The following DCC variants were observed in gnomAD, a reference collection of about 807,000 sequenced individuals.
The protein encoded by DCC is netrin receptor DCC.
A neutral mutation model predicts 172.5 loss-of-function variants in DCC; 58 were observed. The observed-to-expected ratio is 0.34, with a 90% CI of 0.27 to 0.42. The LOEUF (loss-of-function observed/expected upper bound fraction) is 0.42. Ranked by LOEUF, DCC falls within the 10% of genes least tolerant of loss-of-function variation. The pLI, the probability that DCC is intolerant of heterozygous loss-of-function variation, is 1.00. For missense variants in DCC, 1,740 were observed against 1,791.0 expected (o/e 0.97, Z 0.51); for synonymous variants, 709 against 644.5 (o/e 1.10, Z -1.52).
intron 15 of DCC, among the ~76,000 whole-genome samples, chr18:53,346,610 C>T (rs375530517): frequency 2.0e-5 from 3 of 152,144 alleles, no homozygotes; most frequent in East Asian, 3.9e-4. Flanking sequence ...AAACATTGTC[C>T]TCTTTTTAAT....
intron 5 of DCC, among the ~76,000 whole-genome samples, chr18:52,931,295 T>C (rs2040303568): frequency 6.6e-6 from 1 of 152,162 alleles, no homozygotes; most frequent in Non-Finnish European, 1.5e-5. Context: ...AAAAGAACTT[T>C]ATTATCAATG....
At chr18:53,491,231 G>T (rs2045956164) in intron 26 of DCC, among the ~76,000 whole-genome samples, 1 of 152,090 alleles carries the variant, frequency 6.6e-6, no homozygotes, top group African/African-American at 2.4e-5. Context: ...TAAAGAGTAG[G>T]ATTAGGAAAA....
In DCC at chr18:52,733,083, G is replaced by T. The variant is rs528901544; in HGVS notation, c.92-18971G>T. The stretch of plus-strand genomic sequence containing the variant: ...GATGTCAGCATTGGCTGGGAAGGTT[G>T]TCTGAACACATTTATCCATGTCAAA... On this transcript the variant is annotated intron_variant, in intron 1 of 28. Transcript: ENST00000442544. Among the ~76,000 whole-genome samples the T allele has an allele frequency of 1.7e-3, 266 of 152,236 alleles. 1 individual carries two copies. Among genetic ancestry groups the T allele is most frequent in the African/African-American group, 6.0e-3 (251 of 41,554 alleles).
intron 5 of DCC, among the ~76,000 whole-genome samples, chr18:53,043,287 G>A (rs568903146): frequency 5.9e-5 from 9 of 151,532 alleles, no homozygotes; most frequent in Non-Finnish European, 1.2e-4. Flanking sequence ...CACAGGGAGG[G>A]GAATATCACA....
At chr18:53,351,380 T>TATAC (rs1555656842) in intron 15 of DCC, among the ~76,000 whole-genome samples, 2 of 62,676 alleles carry the variant, frequency 3.2e-5, no homozygotes, top group African/African-American at 6.9e-5. Flanking sequence ...TATATATATA[T>TATAC]ACAGTATATA....
chr18:52,952,280 A>C (rs1032487421), intron 5 of DCC, among the ~76,000 whole-genome samples: 12 of 152,222 alleles, frequency 7.9e-5, no homozygotes, highest in Middle Eastern at 3.2e-3. Context: ...CACTAAAAAT[A>C]ACTTCAAACA....
At chr18:53,280,340 TG>T (rs2056856665) in intron 12 of DCC, among the ~76,000 whole-genome samples, 1 of 152,172 alleles carries the variant, frequency 6.6e-6, no homozygotes, top group Non-Finnish European at 1.5e-5. Flanking sequence ...CAGAGACATT[TG>T]TAGGTTTTAT....
chr18:52,579,475 C>T (rs149488667), intron 1 of DCC, among the ~76,000 whole-genome samples: 1 of 152,214 alleles, frequency 6.6e-6, no homozygotes, highest in East Asian at 1.9e-4. Context: ...TGAAATTCTT[C>T]CTCCTAGAAT....
intron 2 of DCC, among the ~76,000 whole-genome samples, chr18:52,900,931 C>T (rs746647422): frequency 3.9e-5 from 6 of 152,170 alleles, no homozygotes; most frequent in Non-Finnish European, 7.3e-5. Context: ...TTAAGTACTT[C>T]AGGCTGAAAT....
Position 53,225,558 on chromosome 18 carries a change from A to C in DCC, c.1911+9961A>C, listed in dbSNP as rs558396524. Among the ~76,000 whole-genome samples the C allele has an allele frequency of 2.0e-5, 3 of 152,244 alleles. No homozygotes were observed. The East Asian group carries it at 5.8e-4, about 30-fold the overall frequency. On this transcript the variant is annotated intron_variant, in intron 12 of 28. Coordinates refer to ENST00000442544, the MANE Select transcript of DCC (RefSeq NM_005215.4). ...GAACAGGTCTGGATGCTGATATATT[A>C]GTCAATTTGAGCTGCAGAGACGATA...
chr18:53,294,804 T>C (rs553666248), intron 12 of DCC, among the ~76,000 whole-genome samples: 1 of 152,262 alleles, frequency 6.6e-6, no homozygotes, highest in Admixed American at 6.5e-5. Flanking sequence ...GGGAAAGGAT[T>C]CTCCCAGAGT....
At chr18:53,285,453 G>A (rs945246179) in intron 12 of DCC, among the ~76,000 whole-genome samples, 1 of 152,208 alleles carries the variant, frequency 6.6e-6, no homozygotes, top group Non-Finnish European at 1.5e-5. Flanking sequence ...TTTTAAGCCT[G>A]CAGGTACACA....
At chr18:52,945,927 G>T (rs911530215) in intron 5 of DCC, among the ~76,000 whole-genome samples, 4 of 152,158 alleles carry the variant, frequency 2.6e-5, no homozygotes, top group African/African-American at 4.8e-5. Context: ...TAGAAGACAT[G>T]GCAACCTGGA....
intron 8 of DCC, among the ~76,000 whole-genome samples, chr18:53,170,645 A>G (rs1286035926): frequency 6.6e-6 from 1 of 152,250 alleles, no homozygotes; most frequent in Admixed American, 6.5e-5. Flanking sequence ...CCATTATGGC[A>G]GAATCCATAT....
At chr18:52,928,671 CTG>C (rs1346031705) in intron 5 of DCC, among the ~76,000 whole-genome samples, 2 of 152,134 alleles carry the variant, frequency 1.3e-5, no homozygotes, top group Non-Finnish European at 2.9e-5. Context: ...ACAGTATCCT[CTG>C]TGGGAAGTAC....
At position 53,410,595 on chromosome 18, in the gene DCC, T is replaced by G. The variant is rs1349520353; in HGVS notation, c.3079T>G (p.Ser1027Ala). The G allele has an allele frequency of 3.1e-6, 5 of 1,611,402 alleles. No individual in the cohort carries two copies. Among genetic ancestry groups the G allele is most frequent in the Non-Finnish European group, 4.2e-6 (5 of 1,177,656 alleles). The change falls in exon 20 of 29, where the codon TCA (serine) becomes GCA (alanine). Residue 1027 changes from serine (S) to alanine (A), a missense_variant. Around this residue, in one of 2 missense-constraint regions of DCC, gnomAD observed 1,732 missense variants for 1,767.4 expected, o/e 0.98. Transcript: ENST00000442544. ...MYYFRIQARN[S>A]KGVGPLSDPI... is the part of the protein sequence containing the mutation. Reference sequence around the variant, plus strand: ...TTACTTTCGAATTCAAGCACGAAATTCAAAAGGAGTGGGGCCACTCTCTGA... The same window carrying G: ...TTACTTTCGAATTCAAGCACGAAATGCAAAAGGAGTGGGGCCACTCTCTGA...
chr18:52,694,527 G>C (rs950665566), intron 1 of DCC, among the ~76,000 whole-genome samples: 2 of 152,026 alleles, frequency 1.3e-5, no homozygotes, highest in Non-Finnish European at 2.9e-5. Context: ...AGTGTTGTAC[G>C]CAAGGACCCA....
chr18:53,355,650 T>A (rs551214841), intron 15 of DCC, among the ~76,000 whole-genome samples: 2 of 152,296 alleles, frequency 1.3e-5, no homozygotes, highest in Non-Finnish European at 2.9e-5. Context: ...AAGTTGCTTA[T>A]CAGCTTAAGG....
intron 7 of DCC, among the ~76,000 whole-genome samples, chr18:53,137,535 C>A (rs893694318): frequency 3.9e-5 from 6 of 152,132 alleles, no homozygotes; most frequent in Admixed American, 3.9e-4. Context: ...ATGAAGGTAA[C>A]CACCTTTGCC....
Sources: allele counts gnomAD v4.1 joint callset (sites outside exome capture counted in the v4.1 genomes callset), GRCh38; gene constraint gnomAD v4.1.1; regional missense constraint gnomAD v4.1.1; transcripts MANE v1.5; gene names NCBI Gene and HGNC (gene_info 2026-07-23, HGNC 2026-07-21).